Variants in TTLL11 observed in about 807,000 individuals in gnomAD.
TTLL11 encodes the protein tubulin tyrosine ligase like 11, also known as tubulin polyglutamylase TTLL11.
Under a neutral mutation model 51.7 loss-of-function variants are expected in TTLL11, and 42 were observed. That is an observed-to-expected ratio of 0.81 (90% CI 0.64 to 1.05). The LOEUF is 1.05. Among genes scored for constraint, TTLL11 ranks in the 50% least tolerant of loss-of-function variants. The probability of loss-of-function intolerance (pLI) is 0.00; values close to 1 mark genes in which losing one functional copy is unlikely to be tolerated. For synonymous variants in TTLL11, 381 were observed against 383.5 expected, an observed-to-expected ratio of 0.99 and a Z score of 0.08; for missense variants, 799 against 940.4, an observed-to-expected ratio of 0.85 and a Z score of 1.97.
At chr9:122,072,768 A>G (rs1046555916) in intron 1 of TTLL11, among the ~76,000 whole-genome samples, 1 of 152,152 alleles carries the variant, frequency 6.6e-6, no homozygotes, top group Non-Finnish European at 1.5e-5. Context: ...TCCAGCTCAG[A>G]GGTGCATCCT....
intron 6 of TTLL11, among the ~76,000 whole-genome samples, chr9:121,901,521 C>T (rs1169470277): frequency 6.6e-6 from 1 of 152,124 alleles, no homozygotes. Context: ...TTTCAAGTCA[C>T]ACAGATAATG....
At chr9:121,947,007 C>G (rs10985462) in intron 6 of TTLL11, among the ~76,000 whole-genome samples, 67,360 of 151,812 alleles carry the variant, frequency 0.44, 15,115 homozygotes, top group East Asian at 0.61. Flanking sequence ...ATGTTTAGCT[C>G]AATTTATACA....
intron 6 of TTLL11, among the ~76,000 whole-genome samples, chr9:121,942,419 G>T (rs1402085333): frequency 3.3e-5 from 5 of 152,172 alleles, no homozygotes; most frequent in African/African-American, 1.2e-4. Flanking sequence ...GCTCACTTGT[G>T]TATTTTATGT....
intron 6 of TTLL11, among the ~76,000 whole-genome samples, chr9:121,913,934 G>T (rs1840231602): frequency 6.6e-6 from 1 of 152,180 alleles, no homozygotes; most frequent in Non-Finnish European, 1.5e-5. Flanking sequence ...GACATCTACA[G>T]GCCAGGGTTC....
chr9:121,966,778 G>C (rs1434002693), intron 6 of TTLL11, among the ~76,000 whole-genome samples: 3 of 152,124 alleles, frequency 2.0e-5, no homozygotes, highest in African/African-American at 4.8e-5. Flanking sequence ...ACTAGCTTTG[G>C]GACTTGGGGC....
chr9:121,918,042 G>T (rs976746451), intron 6 of TTLL11, among the ~76,000 whole-genome samples: 2 of 152,068 alleles, frequency 1.3e-5, no homozygotes, highest in Non-Finnish European at 2.9e-5. Flanking sequence ...CTTGCAAAAA[G>T]GGAAACATGA....
At chr9:122,089,107 A>G (rs1342796447) in intron 1 of TTLL11, among the ~76,000 whole-genome samples, 1 of 151,874 alleles carries the variant, frequency 6.6e-6, no homozygotes, top group Non-Finnish European at 1.5e-5. Flanking sequence ...GCTCAGTCCT[A>G]CCCTGTTAAA....
chr9:121,943,098 T>C (rs1398957513), intron 6 of TTLL11, among the ~76,000 whole-genome samples: 1 of 152,184 alleles, frequency 6.6e-6, no homozygotes, highest in Non-Finnish European at 1.5e-5. Context: ...GCAAAACGCC[T>C]TGGGTGACCT....
Position 121,912,412 on chromosome 9 carries a change from T to C in TTLL11, c.1482-41664A>G, listed in dbSNP as rs144723923. On this transcript the variant is annotated intron_variant, in intron 6 of 8. Coordinates refer to ENST00000321582, the MANE Select transcript of TTLL11 (RefSeq NM_001139442.2). ...CCCCCGTCCAGCAATACCACGCTGC[T>C]TATGATCCCCCAGATATGAAATGCT... is the stretch of plus-strand genomic sequence containing the variant. Among the ~76,000 whole-genome samples the C allele has an allele frequency of 2.2e-3, 311 of 138,942 alleles. 9 individuals carry two copies. Among genetic ancestry groups the C allele is most frequent in the East Asian group, 0.015 (67 of 4,330 alleles). The allele number at this position is 138,942 out of a possible 152,430, so 91.2% of individuals were successfully genotyped here.
chr9:122,052,288 A>G (rs1845182214), intron 1 of TTLL11, among the ~76,000 whole-genome samples: 1 of 152,198 alleles, frequency 6.6e-6, no homozygotes, highest in Non-Finnish European at 1.5e-5. Flanking sequence ...GGAAGATTCC[A>G]GGCTCACTCT....
At chr9:121,940,407 G>A (rs917080028) in intron 6 of TTLL11, among the ~76,000 whole-genome samples, 4 of 150,934 alleles carry the variant, frequency 2.7e-5, no homozygotes, top group South Asian at 2.1e-4. Flanking sequence ...GTATGATCTC[G>A]GCTCACCACA....
chr9:121,960,020 T>C lies in TTLL11; in HGVS notation c.1481+13989A>G, dbSNP rs527257136. 7.9e-5 allele frequency among the ~76,000 whole-genome samples: 12 copies of C among 152,112 alleles called. No individual in the cohort carries two copies. The South Asian group carries it at 1.0e-3, about 13-fold the overall frequency. Reference sequence around the variant, plus strand: ...ACCACCTGGGTTAAGAAATAGAACATAGCCACATCTCAGCCTCCACCTGTA... The same window carrying C: ...ACCACCTGGGTTAAGAAATAGAACACAGCCACATCTCAGCCTCCACCTGTA... On this transcript the variant is annotated intron_variant, in intron 6 of 8. Transcript: ENST00000321582.
intron 3 of TTLL11, among the ~76,000 whole-genome samples, chr9:122,029,901 CCTTT>C (rs1007087651): frequency 1.3e-5 from 2 of 152,068 alleles, no homozygotes; most frequent in East Asian, 1.9e-4. Context: ...AGTATTTTCC[CCTTT>C]CTATGTTTAG....
At chr9:121,986,575 G>A (rs1842946913) in intron 4 of TTLL11, among the ~76,000 whole-genome samples, 1 of 152,040 alleles carries the variant, frequency 6.6e-6, no homozygotes, top group African/African-American at 2.4e-5. Context: ...ATCCTCCCTG[G>A]GAACCAAAGG....
chr9:121,846,333 G>A (rs1055117919), intron 8 of TTLL11, among the ~76,000 whole-genome samples: 3 of 152,102 alleles, frequency 2.0e-5, no homozygotes, highest in Admixed American at 1.3e-4. Context: ...ACTATTATAG[G>A]TGGAGACTTC....
intron 4 of TTLL11, among the ~76,000 whole-genome samples, chr9:121,985,303 T>G (rs7873553): frequency 0.98 from 149,896 of 152,190 alleles, 73,868 homozygotes; most frequent in Middle Eastern, 1. Context: ...CAACAACCCT[T>G]TGAGGTAGGC....
intron 7 of TTLL11, among the ~76,000 whole-genome samples, chr9:121,865,343 C>T (rs991726679): frequency 2.5e-4 from 38 of 152,228 alleles, no homozygotes; most frequent in African/African-American, 8.7e-4. Flanking sequence ...AAAAACCTTC[C>T]CCTCATTCAA....
intron 6 of TTLL11, among the ~76,000 whole-genome samples, chr9:121,901,437 T>C (rs1839771477): frequency 1.3e-5 from 2 of 152,184 alleles, no homozygotes; most frequent in African/African-American, 4.8e-5. Flanking sequence ...AGAAGAACTG[T>C]GTTTGCTTCT....
intron 3 of TTLL11, among the ~76,000 whole-genome samples, chr9:122,030,278 T>C (rs1844499371): frequency 6.6e-6 from 1 of 150,698 alleles, no homozygotes; most frequent in Admixed American, 6.7e-5. Flanking sequence ...ATAGTTTGCA[T>C]ACAATTAAAT....
Sources: allele counts gnomAD v4.1 joint callset (sites outside exome capture counted in the v4.1 genomes callset), GRCh38; gene constraint gnomAD v4.1.1; transcripts MANE v1.5; gene names NCBI Gene and HGNC (gene_info 2026-07-23, HGNC 2026-07-21).